NELL1: variants seen among roughly 807,000 people sequenced by gnomAD.
NELL1 encodes the protein neural EGFL like 1, also known as protein kinase C-binding protein NELL1.
A neutral mutation model predicts 107.4 loss-of-function variants in NELL1; 76 were observed. The observed-to-expected ratio is 0.71, with a 90% confidence interval of 0.59 to 0.86. The LOEUF (loss-of-function observed/expected upper bound fraction) is 0.86, where lower values mean the gene tolerates loss of function less well. Ranked by LOEUF, NELL1 falls within the 40% of genes least tolerant of loss-of-function variation. The pLI, the probability that NELL1 is intolerant of heterozygous loss-of-function variation, is 0.00. For missense variants in NELL1, 1,024 were observed against 1,005.5 expected (o/e 1.02, Z -0.25); for synonymous variants, 353 against 341.2 (o/e 1.03, Z -0.38).
At chr11:21,468,787 A>G (rs960279630) in intron 15 of NELL1, among the ~76,000 whole-genome samples, 2 of 152,066 alleles carry the variant, frequency 1.3e-5, no homozygotes, top group Non-Finnish European at 1.5e-5. Flanking sequence ...AAGGAGGCAT[A>G]TGTTCACCCA....
At chr11:21,006,664 T>C (rs1852333615) in intron 12 of NELL1, among the ~76,000 whole-genome samples, 1 of 152,114 alleles carries the variant, frequency 6.6e-6, no homozygotes, top group Non-Finnish European at 1.5e-5. Flanking sequence ...ACGGTCTCTT[T>C]TTGCAGCTGG....
chr11:21,552,882 T>A (rs1043628752), intron 16 of NELL1, among the ~76,000 whole-genome samples: 8 of 151,772 alleles, frequency 5.3e-5, no homozygotes, highest in Non-Finnish European at 1.0e-4. Flanking sequence ...TAGGGCATAG[T>A]TTTTGGAAAA....
At chr11:21,311,015 C>T (rs1298147056) in intron 14 of NELL1, among the ~76,000 whole-genome samples, 1 of 152,106 alleles carries the variant, frequency 6.6e-6, no homozygotes, top group Non-Finnish European at 1.5e-5. Context: ...CATGTACTGG[C>T]TTTATGAGCT....
intron 8 of NELL1, among the ~76,000 whole-genome samples, chr11:20,927,915 G>T (rs1194645478): frequency 2.0e-5 from 3 of 152,136 alleles, no homozygotes; most frequent in Non-Finnish European, 4.4e-5. Flanking sequence ...TCCATTATTT[G>T]TATATCCCTT....
intron 13 of NELL1, among the ~76,000 whole-genome samples, chr11:21,146,389 G>A (rs1176771278): frequency 6.6e-6 from 1 of 152,156 alleles, no homozygotes; most frequent in African/African-American, 2.4e-5. Flanking sequence ...GGTCTGAAAG[G>A]ATGAGGGGAA....
chr11:21,041,813 G>T (rs1192926414), intron 12 of NELL1, among the ~76,000 whole-genome samples: 1 of 152,212 alleles, frequency 6.6e-6, no homozygotes, highest in African/African-American at 2.4e-5. Context: ...CTAGGTAACT[G>T]TAAACAAAAC....
intron 13 of NELL1, among the ~76,000 whole-genome samples, chr11:21,220,937 G>T (rs1857741279): frequency 1.3e-5 from 2 of 152,028 alleles, no homozygotes; most frequent in African/African-American, 4.8e-5. Context: ...TGTTATCTTT[G>T]TCTTGTTCTA....
intron 14 of NELL1, among the ~76,000 whole-genome samples, chr11:21,243,529 T>C (rs1858416364): frequency 6.6e-6 from 1 of 152,078 alleles, no homozygotes; most frequent in Non-Finnish European, 1.5e-5. Flanking sequence ...GAAAGCAAAT[T>C]GTAATGAATT....
chr11:21,001,413 A>G (rs1249925509), intron 12 of NELL1, among the ~76,000 whole-genome samples: 1 of 151,042 alleles, frequency 6.6e-6, no homozygotes, highest in Non-Finnish European at 1.5e-5. Context: ...GAGCTAGGGG[A>G]AGACCGTTCA....
chr11:21,233,132 C>T (rs1219430558), intron 14 of NELL1, among the ~76,000 whole-genome samples: 1 of 152,148 alleles, frequency 6.6e-6, no homozygotes. Flanking sequence ...AGATGGGTTT[C>T]CGTGGTGGTC....
At chr11:20,879,327 T>C (rs781329232) in intron 4 of NELL1, among the ~76,000 whole-genome samples, 3 of 151,862 alleles carry the variant, frequency 2.0e-5, no homozygotes, top group Non-Finnish European at 4.4e-5. Context: ...AACCAACATA[T>C]AGGGTGGTTA....
At chr11:21,156,919 C>T (rs1335862107) in intron 13 of NELL1, among the ~76,000 whole-genome samples, 1 of 143,438 alleles carries the variant, frequency 7.0e-6, no homozygotes, top group East Asian at 2.1e-4. Context: ...ATGGTGGAAC[C>T]CCGCCTCTAC....
chr11:20,931,270 C>G (rs2134176977), intron 9 of NELL1, among the ~76,000 whole-genome samples: 1 of 152,148 alleles, frequency 6.6e-6, no homozygotes, highest in South Asian at 2.1e-4. Context: ...GACATGGAGC[C>G]AAGTTAAATA....
Position 20,992,709 on chromosome 11 carries a change from A to ATTT in NELL1, c.1300+32169_1300+32171dup, listed in dbSNP as rs56048576. On this transcript the variant is annotated intron_variant, in intron 12 of 19. Coordinates refer to ENST00000357134, the MANE Select transcript of NELL1 (RefSeq NM_006157.5). ...TGCTACTTCCCTAGGCAAAAGTGGC[A>ATTT]TTTTTTTTTTTTTTTTTTTTTTGAA... 6.5e-4 allele frequency among the ~76,000 whole-genome samples: 74 copies of ATTT among 114,500 alleles called. 2 individuals carry two copies. Among genetic ancestry groups the ATTT allele is most frequent in the South Asian group, 3.6e-3 (12 of 3,370 alleles). 75.1% of individuals were successfully genotyped at this position (114,500 alleles called of 152,430 possible).
chr11:21,351,760 T>TTTA (rs1382865890), intron 14 of NELL1, among the ~76,000 whole-genome samples: 1 of 152,134 alleles, frequency 6.6e-6, no homozygotes, highest in Non-Finnish European at 1.5e-5. Flanking sequence ...TTTTAACTAG[T>TTTA]TTATTTGCAT....
intron 2 of NELL1, among the ~76,000 whole-genome samples, chr11:20,698,354 C>T (rs1590213878): frequency 6.6e-6 from 1 of 152,294 alleles, no homozygotes. Flanking sequence ...ACCGTCTGCA[C>T]TAAAATCTCT....
chr11:20,693,446 A>C (rs1854525633), intron 2 of NELL1, among the ~76,000 whole-genome samples: 1 of 152,008 alleles, frequency 6.6e-6, no homozygotes, highest in Non-Finnish European at 1.5e-5. Flanking sequence ...TTCCACATTT[A>C]GTGCTTCCTT....
At chr11:21,175,386 CAT>C (rs1856690817) in intron 13 of NELL1, among the ~76,000 whole-genome samples, 1 of 151,936 alleles carries the variant, frequency 6.6e-6, no homozygotes, top group South Asian at 2.1e-4. Flanking sequence ...TGTGAATGCA[CAT>C]ATGTTATATC....
chr11:20,736,438 G>A (rs1192282189), intron 2 of NELL1, among the ~76,000 whole-genome samples: 1 of 151,346 alleles, frequency 6.6e-6, no homozygotes, highest in Non-Finnish European at 1.5e-5. Context: ...TAAAAAGTTA[G>A]GCATTTAGCC....
Sources: allele counts gnomAD v4.1 joint callset (sites outside exome capture counted in the v4.1 genomes callset), GRCh38; gene constraint gnomAD v4.1.1; transcripts MANE v1.5; gene names NCBI Gene and HGNC (gene_info 2026-07-23, HGNC 2026-07-21).